The following CATSPERD variants were observed in gnomAD, a reference collection of about 807,000 sequenced individuals.
CATSPERD encodes catsper channel auxiliary subunit delta.
In CATSPERD, 86 loss-of-function variants were observed where a neutral mutation model predicts 98.1. The ratio of observed to expected loss-of-function variants is 0.88; its 90% CI spans 0.74 to 1.05. The LOEUF (loss-of-function observed/expected upper bound fraction) is 1.05, where lower values mean the gene tolerates loss of function less well. CATSPERD is among the 50% of genes least tolerant of loss of function. CATSPERD has a pLI of 0.00. For synonymous variants in CATSPERD, 394 were observed against 390.2 expected (o/e 1.01, Z -0.12); for missense variants, 995 against 1,005.7 (o/e 0.99, Z 0.14).
At chr19:5,723,741 A>G (rs2055547369) in intron 1 of CATSPERD, among the ~76,000 whole-genome samples, 1 of 149,212 alleles carries the variant, frequency 6.7e-6, no homozygotes, top group Non-Finnish European at 1.5e-5. Flanking sequence ...TGGGATTAAC[A>G]GGCGTGAGCC....
chr19:5,762,016 GTGAGAGC>G (rs2056443953), intron 15 of CATSPERD, among the ~76,000 whole-genome samples: 2 of 127,346 alleles, frequency 1.6e-5, no homozygotes, highest in Middle Eastern at 4.5e-3. Context: ...GGGATTACAG[GTGAGAGC>G]CACTGCGCCT....
chr19:5,752,760 G>A (rs1478477515), intron 12 of CATSPERD, among the ~76,000 whole-genome samples: 5 of 152,142 alleles, frequency 3.3e-5, no homozygotes, highest in Non-Finnish European at 7.3e-5. Context: ...GGGCGTGGTG[G>A]CTCATTCCTG....
At chr19:5,734,273 T>C (rs2055796757) in intron 5 of CATSPERD, among the ~76,000 whole-genome samples, 1 of 152,086 alleles carries the variant, frequency 6.6e-6, no homozygotes, top group Non-Finnish European at 1.5e-5. Flanking sequence ...GAGTCTGCGG[T>C]AGGCAGATCA....
rs2056678475 is a variant in CATSPERD at position 5,772,954 on chromosome 19, T to C, written c.1930T>C (p.Trp644Arg). 6.2e-7 allele frequency: 1 copy of C among 1,613,774 alleles called. No individual in the cohort carries two copies. The change falls in exon 20 of 22, where the codon TGG (tryptophan) becomes CGG (arginine). Residue 644 changes from tryptophan to arginine, a missense_variant. Transcript: ENST00000381624. ...AAAGGAATTCGGGGGGCCCTTCTTCTGGAACAGAGAGGTAACAGGACCCTA... is the reference window on the plus strand; with the variant it reads ...AAAGGAATTCGGGGGGCCCTTCTTCCGGAACAGAGAGGTAACAGGACCCTA... ...MIKEFGGPFF[W>R]NRENYVSCHD... is the part of the protein sequence containing the mutation.
chr19:5,721,225 A>G (rs2055464824), intron 1 of CATSPERD, among the ~76,000 whole-genome samples: 1 of 151,618 alleles, frequency 6.6e-6, no homozygotes, highest in South Asian at 2.1e-4. Flanking sequence ...GATGGTCCCG[A>G]TCTCCTGACC....
Position 5,771,557 on chromosome 19 carries a change from C to T in CATSPERD, c.1763+485C>T, listed in dbSNP as rs142513204. On this transcript the variant is annotated intron_variant, in intron 19 of 21. Transcript: ENST00000381624. Reference sequence around the variant, plus strand: ...CCGGCCGATGGGCTTTTCTTTATGCCTGTGCACTCCTGCTGTCTTCCTGTT... The same window carrying T: ...CCGGCCGATGGGCTTTTCTTTATGCTTGTGCACTCCTGCTGTCTTCCTGTT... Among the ~76,000 whole-genome samples the T allele has an allele frequency of 1.9e-3, 291 of 151,814 alleles. 1 individual carries two copies. The highest frequency in any genetic ancestry group is 6.8e-3 in the African/African-American group (283 of 41,384).
chr19:5,743,234 C>T lies in CATSPERD; in HGVS notation c.574-1193C>T, dbSNP rs139561176. The stretch of plus-strand genomic sequence containing the variant: ...AGGAGAATCGATTGAACCCAGGAGG[C>T]GGAGGTTGCAGTGAGCTGAGATCAC... On this transcript the variant is annotated intron_variant, in intron 7 of 21. Coordinates refer to ENST00000381624, the MANE Select transcript of CATSPERD (RefSeq NM_152784.4). 1.1e-3 allele frequency among the ~76,000 whole-genome samples: 164 copies of T among 152,086 alleles called. 1 individual carries two copies. The highest frequency in any genetic ancestry group is 6.8e-3 in the Middle Eastern group (2 of 294).
At chr19:5,737,097 A>G (rs371730614) in intron 5 of CATSPERD, 41 bp from the exon 6 acceptor site, 5 of 1,359,518 alleles carry the variant, frequency 3.7e-6, no homozygotes, top group Non-Finnish European at 5.2e-6. Context: ...TCCAAACTTC[A>G]GGGAACTCAT....
intron 17 of CATSPERD, among the ~76,000 whole-genome samples, chr19:5,767,613 A>G (rs1473530460): frequency 2.0e-5 from 3 of 150,868 alleles, no homozygotes; most frequent in Non-Finnish European, 4.4e-5. Flanking sequence ...TCAGCCTCCG[A>G]GTAGCTGGGA....
intron 16 of CATSPERD, 24 bp downstream of exon 16, chr19:5,763,317 C>T (rs2056478609): frequency 6.3e-7 from 1 of 1,592,616 alleles, no homozygotes; most frequent in Non-Finnish European, 8.6e-7. Flanking sequence ...CTTTGCTGTC[C>T]CATATTCGGT....
At position 5,759,086 on chromosome 19, in the gene CATSPERD, G is replaced by C. The variant is rs772873017; in HGVS notation, c.1369G>C (p.Asp457His). 5 of 1,613,864 alleles carry C rather than the reference G, an allele frequency of 3.1e-6. No individual in the cohort carries two copies. Among genetic ancestry groups the C allele is most frequent in the Non-Finnish European group, 4.2e-6 (5 of 1,179,914 alleles). ...TSDGNTKYKL[D>H]IFLKQQQHWG... ...GGGATTTTCTCTCTTGACCCCACAGGATATTTTCCTAAAACAGCAGCAGCA... is the reference window on the plus strand; with the variant it reads ...GGGATTTTCTCTCTTGACCCCACAGCATATTTTCCTAAAACAGCAGCAGCA... The change falls in exon 15 of 22, where the codon GAT (aspartate) becomes CAT (histidine). Residue 457 changes from aspartate to histidine, a missense_variant and splice_region_variant. Asp to His is a moderately conservative substitution (Grantham distance 81, BLOSUM62 -1). Around this residue, in one of 3 missense-constraint regions of CATSPERD, gnomAD observed 762 missense variants for 773.7 expected, o/e 0.98. Coordinates refer to ENST00000381624, the MANE Select transcript of CATSPERD (RefSeq NM_152784.4).
At chr19:5,738,983 C>A (rs961105119) in intron 6 of CATSPERD, among the ~76,000 whole-genome samples, 1 of 152,134 alleles carries the variant, frequency 6.6e-6, no homozygotes, top group Non-Finnish European at 1.5e-5. Context: ...CCGCCTCAGC[C>A]TCCCAAAGTG....
At chr19:5,774,911 G>C (rs747826970) in intron 20 of CATSPERD, among the ~76,000 whole-genome samples, 6 of 152,110 alleles carry the variant, frequency 3.9e-5, no homozygotes, top group Non-Finnish European at 8.8e-5. Context: ...CCGCTACTTG[G>C]AAAGCTGAGG....
chr19:5,722,734 C>A (rs565533940), intron 1 of CATSPERD, among the ~76,000 whole-genome samples: 4 of 151,570 alleles, frequency 2.6e-5, no homozygotes, highest in Non-Finnish European at 5.9e-5. Context: ...ATCAAGACCC[C>A]CCCCCCCGCA....
In CATSPERD at chr19:5,763,847, C is replaced by CTTTTTTTTTTTTTTTTTTTT. The variant is rs56352544; in HGVS notation, c.1506+572_1506+573insTTTTTTTTTTTTTTTTTTTT. 2.4e-4 allele frequency among the ~76,000 whole-genome samples: 15 copies of CTTTTTTTTTTTTTTTTTTTT among 62,132 alleles called. 5 individuals are homozygous for CTTTTTTTTTTTTTTTTTTTT. Among genetic ancestry groups the CTTTTTTTTTTTTTTTTTTTT allele is most frequent in the East Asian group, 5.0e-4 (1 of 2,020 alleles). The allele number at this position is 62,132 out of a possible 152,430, so 40.8% of individuals were successfully genotyped here. A position where few individuals can be genotyped will look rare whatever the true frequency, so the allele number is the denominator to read the frequency against. On this transcript the variant is annotated intron_variant, in intron 16 of 21. Coordinates refer to ENST00000381624, the MANE Select transcript of CATSPERD (RefSeq NM_152784.4). The stretch of plus-strand genomic sequence containing the variant: ...TGTTGGCCAGGCTGGTCTTGAACTC[C>CTTTTTTTTTTTTTTTTTTTT]TTTTTTTTTTTTTTTTTTGACATGG...
At chr19:5,722,739 C>A (rs955006566) in intron 1 of CATSPERD, among the ~76,000 whole-genome samples, 6 of 151,866 alleles carry the variant, frequency 4.0e-5, no homozygotes, top group African/African-American at 4.8e-5. Context: ...GACCCCCCCC[C>A]CCGCAACCCC....
At chr19:5,778,035 A>G (rs558580388) in intron 21 of CATSPERD, among the ~76,000 whole-genome samples, 95 of 151,800 alleles carry the variant, frequency 6.3e-4, no homozygotes, top group African/African-American at 2.1e-3. Context: ...GTGAAACCCC[A>G]TCTCTACCAA....
At chr19:5,731,559 A>ATTTTTTTTTT (rs1568342216) in intron 4 of CATSPERD, among the ~76,000 whole-genome samples, 1 of 78,508 alleles carries the variant, frequency 1.3e-5, no homozygotes, top group African/African-American at 4.6e-5. Context: ...GACACTTAAC[A>ATTTTTTTTTT]GTTTTTTTTT....
In CATSPERD at chr19:5,772,768, G is replaced by A. The variant is rs1458764521; in HGVS notation, c.1764-20G>A. ...TTGTCCCTGCTCCCTGCACAGCCCT[G>A]CCCCGTGCCTGTGTCCTAGGTGGCG... On this transcript the variant is annotated intron_variant, in intron 19 of 21. Transcript: ENST00000381624. 6.2e-7 allele frequency: 1 copy of A among 1,610,022 alleles called. No individual in the cohort carries two copies. The highest frequency in any genetic ancestry group is 1.3e-5 in the African/African-American group (1 of 74,882).
Sources: gnomAD v4.1 joint callset for allele counts (sites outside exome capture counted in the v4.1 genomes callset) on GRCh38, gnomAD v4.1.1 for gene constraint, gnomAD v4.1.1 regional missense constraint, MANE v1.5 for transcripts, NCBI Gene and HGNC (gene_info 2026-07-23, HGNC 2026-07-21) for gene names.